Variants in RGS17 observed in about 807,000 individuals in gnomAD.
The protein encoded by RGS17 is regulator of G protein signaling 17, also known as regulator of G-protein signaling 17.
RGS17 carries 12 observed loss-of-function variants against 25.5 expected under a neutral mutation model. The observed-to-expected ratio is 0.47, with a 90% CI of 0.30 to 0.76. The LOEUF is 0.76. Ranked by LOEUF, RGS17 falls within the 30% of genes least tolerant of loss-of-function variation. The pLI, the probability that RGS17 is intolerant of heterozygous loss-of-function variation, is 0.07. For synonymous variants in RGS17, 71 were observed against 76.9 expected, an observed-to-expected ratio of 0.92 and a Z score of 0.40; for missense variants, 196 against 242.2, an observed-to-expected ratio of 0.81 and a Z score of 1.27.
intron 1 of RGS17, among the ~76,000 whole-genome samples, chr6:153,071,354 T>C (rs538434263): frequency 2.2e-4 from 34 of 152,108 alleles, no homozygotes; most frequent in African/African-American, 8.0e-4. Flanking sequence ...TTGGCTCTCA[T>C]CAGCTATTCA....
At position 153,028,181 on chromosome 6, in the gene RGS17, A is replaced by C. The variant is rs555032197; in HGVS notation, c.120-1638T>G. 2.6e-5 allele frequency among the ~76,000 whole-genome samples: 4 copies of C among 152,324 alleles called. No homozygotes were observed. In the South Asian group the frequency reaches 8.3e-4, roughly 32 times the overall value. ...AACATAGGATTTCATAGTGAAATAC[A>C]TTGAGTTTGCCTCTACCCATTTCTA... On this transcript the variant is annotated intron_variant, in intron 2 of 4. Transcript: ENST00000206262.
chr6:153,113,048 C>T (rs1405605824), intron 1 of RGS17, among the ~76,000 whole-genome samples: 1 of 152,180 alleles, frequency 6.6e-6, no homozygotes, highest in Non-Finnish European at 1.5e-5. Context: ...ATCATAATGA[C>T]AGAATCAAAT....
intron 4 of RGS17, among the ~76,000 whole-genome samples, chr6:153,017,246 C>G (rs1175745454): frequency 6.6e-6 from 1 of 151,802 alleles, no homozygotes; most frequent in Admixed American, 6.6e-5. Context: ...GACATAGCAA[C>G]TGAAGTTTTA....
rs1378316092 is a variant in RGS17 at position 153,110,431 on chromosome 6, C to CAA, written c.-26+20692_-26+20693insTT. 1.0e-3 allele frequency among the ~76,000 whole-genome samples: 159 copies of CAA among 151,474 alleles called. 1 individual carries two copies. Among genetic ancestry groups the CAA allele is most frequent in the African/African-American group, 3.7e-3 (153 of 41,286 alleles). ...GGACTCTTTACTGCCAACATACACA[C>CAA]ACACACACACACACACACACACACA... On this transcript the variant is annotated intron_variant, in intron 1 of 4. Coordinates refer to ENST00000206262, the MANE Select transcript of RGS17 (RefSeq NM_012419.5).
In RGS17 at chr6:153,006,901, TTA is replaced by T. The variant is rs1316186960; in HGVS notation, c.*4671_*4672del. The T allele has an allele frequency of 6.6e-6, 1 of 152,216 alleles. No homozygotes were observed. The highest frequency in any genetic ancestry group is 2.4e-5 in the African/African-American group (1 of 41,454). 9.4% of individuals were successfully genotyped at this position (152,216 alleles called of 1,614,324 possible). On this transcript the variant is annotated 3_prime_UTR_variant, in exon 5 of 5. Coordinates refer to ENST00000206262, the MANE Select transcript of RGS17 (RefSeq NM_012419.5). ...TTGTAATTTTAAGTTCCTGATGTTT[TTA>T]CACTATGCTCCCTAAGTGAATCTGT...
intron 1 of RGS17, among the ~76,000 whole-genome samples, chr6:153,053,530 T>A (rs185935748): frequency 1.1e-4 from 17 of 152,294 alleles, no homozygotes; most frequent in Admixed American, 6.5e-4. Flanking sequence ...CAGAGCACGG[T>A]GGCTCATATC....
intron 1 of RGS17, among the ~76,000 whole-genome samples, chr6:153,095,937 G>C (rs546178054): frequency 1.3e-5 from 2 of 152,186 alleles, no homozygotes; most frequent in African/African-American, 4.8e-5. Flanking sequence ...GGCATCTTCT[G>C]TGTTCTAGAT....
intron 1 of RGS17, among the ~76,000 whole-genome samples, chr6:153,115,448 T>G (rs1777530543): frequency 6.6e-6 from 1 of 152,164 alleles, no homozygotes; most frequent in African/African-American, 2.4e-5. Flanking sequence ...TGGTAAAACA[T>G]TCCATGATCA....
At chr6:153,019,897 A>G (rs961324419) in intron 4 of RGS17, among the ~76,000 whole-genome samples, 6 of 151,828 alleles carry the variant, frequency 4.0e-5, no homozygotes, top group African/African-American at 1.5e-4. Context: ...CAAAATCTGC[A>G]ATGTGGAGCA....
rs150563901 is a variant in RGS17 at position 153,006,415 on chromosome 6, C to CATCT, written c.*5155_*5158dup. 115,215 of 151,884 alleles carry CATCT rather than the reference C, an allele frequency of 0.76. 44,540 individuals are homozygous for CATCT. The highest frequency in any genetic ancestry group is 0.92 in the African/African-American group (38,205 of 41,348). 9.4% of individuals were successfully genotyped at this position (151,884 alleles called of 1,614,324 possible). The stretch of plus-strand genomic sequence containing the variant: ...AACCTATAATTGTATATCCATTTAT[C>CATCT]ATCTATCTATCATCTATCTATCAAT... On this transcript the variant is annotated 3_prime_UTR_variant, in exon 5 of 5. Coordinates refer to ENST00000206262, the MANE Select transcript of RGS17 (RefSeq NM_012419.5).
chr6:153,021,955 C>A (rs1052363902), intron 4 of RGS17, among the ~76,000 whole-genome samples: 1 of 152,174 alleles, frequency 6.6e-6, no homozygotes, highest in Non-Finnish European at 1.5e-5. Context: ...CACCCGTAAT[C>A]CCAGCACTTT....
chr6:153,048,397 A>G (rs1390738407), intron 1 of RGS17, among the ~76,000 whole-genome samples: 3 of 152,090 alleles, frequency 2.0e-5, no homozygotes, highest in African/African-American at 4.8e-5. Context: ...ATCTCCTTCT[A>G]TTACAATTCC....
At chr6:153,124,653 C>A (rs112382972) in intron 1 of RGS17, among the ~76,000 whole-genome samples, 3 of 152,026 alleles carry the variant, frequency 2.0e-5, no homozygotes, top group African/African-American at 7.2e-5. Context: ...AGGCTAAATC[C>A]CTGGTTATTT....
intron 1 of RGS17, among the ~76,000 whole-genome samples, chr6:153,114,782 A>T (rs1452270911): frequency 6.6e-6 from 1 of 152,232 alleles, no homozygotes; most frequent in East Asian, 1.9e-4. Flanking sequence ...AACATATGGA[A>T]ATCAATATAT....
intron 2 of RGS17, among the ~76,000 whole-genome samples, chr6:153,040,616 C>G (rs1212289792): frequency 6.6e-6 from 1 of 151,762 alleles, no homozygotes. Flanking sequence ...TTTTTACTCC[C>G]TAAATTACAT....
intron 1 of RGS17, among the ~76,000 whole-genome samples, chr6:153,118,649 T>C (rs553864700): frequency 6.6e-6 from 1 of 152,346 alleles, no homozygotes; most frequent in East Asian, 1.9e-4. Context: ...CTCATCTTTA[T>C]TTTGTTTTTA....
chr6:153,081,717 CAT>C (rs1776984452), intron 1 of RGS17, among the ~76,000 whole-genome samples: 1 of 151,936 alleles, frequency 6.6e-6, no homozygotes, highest in Non-Finnish European at 1.5e-5. Context: ...GGTATTTTTA[CAT>C]GTTATTAATC....
At chr6:153,029,929 T>G (rs531599658) in intron 2 of RGS17, among the ~76,000 whole-genome samples, 1 of 152,334 alleles carries the variant, frequency 6.6e-6, no homozygotes, top group Non-Finnish European at 1.5e-5. Context: ...CTGACTTTTA[T>G]GTATGTAACA....
At chr6:153,046,927 G>C (rs9397579) in intron 1 of RGS17, among the ~76,000 whole-genome samples, 1 of 151,768 alleles carries the variant, frequency 6.6e-6, no homozygotes, top group Admixed American at 6.6e-5. Flanking sequence ...AAAATAAAAA[G>C]AAATCTACAC....
Sources: gnomAD v4.1 joint callset for allele counts (sites outside exome capture counted in the v4.1 genomes callset) on GRCh38, gnomAD v4.1.1 for gene constraint, MANE v1.5 for transcripts, NCBI Gene and HGNC (gene_info 2026-07-23, HGNC 2026-07-21) for gene names.